The following LRRIQ1 variants were observed in gnomAD, a reference collection of about 807,000 sequenced individuals.
LRRIQ1 encodes the protein leucine-rich repeat- and IQ domain-containing protein 1.
In LRRIQ1, 210 loss-of-function variants were observed where a neutral mutation model predicts 211.9. That is an observed-to-expected ratio of 0.99 (90% CI 0.89 to 1.11). The LOEUF (loss-of-function observed/expected upper bound fraction) is 1.11, where lower values mean the gene tolerates loss of function less well. Ranked by LOEUF, LRRIQ1 falls within the 50% of genes most tolerant of loss-of-function variation. The pLI is 0.00. For synonymous variants in LRRIQ1, 699 were observed against 650.1 expected, an observed-to-expected ratio of 1.08 and a Z score of -1.14; for missense variants, 2,136 against 1,939.5, an observed-to-expected ratio of 1.10 and a Z score of -1.90.
At chr12:85,197,283 A>T (rs917689407) in intron 24 of LRRIQ1, among the ~76,000 whole-genome samples, 1 of 151,326 alleles carries the variant, frequency 6.6e-6, no homozygotes, top group Non-Finnish European at 1.5e-5. Flanking sequence ...TTCCTCAGGG[A>T]TCTAGAACTG....
At chr12:85,200,811 G>T (rs1893250661) in intron 24 of LRRIQ1, among the ~76,000 whole-genome samples, 1 of 151,728 alleles carries the variant, frequency 6.6e-6, no homozygotes, top group South Asian at 2.1e-4. Context: ...GATCATGATG[G>T]CTTAGCATTT....
intron 10 of LRRIQ1, among the ~76,000 whole-genome samples, chr12:85,071,183 T>G (rs1883043667): frequency 6.6e-6 from 1 of 151,964 alleles, no homozygotes; most frequent in Non-Finnish European, 1.5e-5. Context: ...TACTCTTATA[T>G]GTGGAATTTT....
chr12:85,082,681 A>G (rs1352404906), intron 11 of LRRIQ1, among the ~76,000 whole-genome samples: 1 of 152,174 alleles, frequency 6.6e-6, no homozygotes, highest in Non-Finnish European at 1.5e-5. Flanking sequence ...TTGAGTTTTA[A>G]AACTTCAGCT....
intron 24 of LRRIQ1, among the ~76,000 whole-genome samples, chr12:85,200,944 C>T (rs141888488): frequency 7.9e-5 from 12 of 151,954 alleles, no homozygotes; most frequent in Non-Finnish European, 1.5e-4. Context: ...CTCAGCCTCC[C>T]GAGTAGCTGG....
At chr12:85,141,424 C>A (rs201551500) in intron 19 of LRRIQ1, among the ~76,000 whole-genome samples, 1 of 151,090 alleles carries the variant, frequency 6.6e-6, no homozygotes, top group Admixed American at 6.6e-5. Flanking sequence ...CCTCATACTT[C>A]GGGGCTGTGT....
intron 24 of LRRIQ1, among the ~76,000 whole-genome samples, chr12:85,221,878 C>T (rs1376907422): frequency 1.3e-5 from 2 of 152,148 alleles, no homozygotes; most frequent in Non-Finnish European, 2.9e-5. Context: ...TTAGCAAGAT[C>T]ATTTGCAGTA....
At chr12:85,158,614 T>C (rs1890690030) in intron 23 of LRRIQ1, among the ~76,000 whole-genome samples, 1 of 152,022 alleles carries the variant, frequency 6.6e-6, no homozygotes, top group Non-Finnish European at 1.5e-5. Context: ...AGTATAGAGA[T>C]GCATGCATAA....
chr12:85,146,533 G>GT (rs1247930303), intron 19 of LRRIQ1, among the ~76,000 whole-genome samples: 1 of 151,588 alleles, frequency 6.6e-6, no homozygotes, highest in Non-Finnish European at 1.5e-5. Context: ...TTTTGTTTTT[G>GT]TTTTTGAAGG....
chr12:85,217,772 G>C (rs1038128309), intron 24 of LRRIQ1, among the ~76,000 whole-genome samples: 3 of 141,250 alleles, frequency 2.1e-5, no homozygotes, highest in Admixed American at 1.4e-4. Flanking sequence ...AAATGTGTGT[G>C]TCTCTCTCTA....
intron 24 of LRRIQ1, among the ~76,000 whole-genome samples, chr12:85,226,122 G>A (rs1251967225): frequency 6.6e-6 from 1 of 152,214 alleles, no homozygotes; most frequent in Non-Finnish European, 1.5e-5. Flanking sequence ...GCTGAGTTTT[G>A]ATGTAAAATT....
At chr12:85,115,589 A>C (rs1183821743) in intron 15 of LRRIQ1, among the ~76,000 whole-genome samples, 1 of 152,140 alleles carries the variant, frequency 6.6e-6, no homozygotes, top group African/African-American at 2.4e-5. Context: ...CTTGATCCAC[A>C]TTCCCTAGAA....
At chr12:85,221,463 GAAAAT>G (rs1044211407) in intron 24 of LRRIQ1, among the ~76,000 whole-genome samples, 4 of 152,078 alleles carry the variant, frequency 2.6e-5, no homozygotes, top group Admixed American at 1.3e-4. Context: ...ACATAGATAA[GAAAAT>G]AAAATATAAT....
intron 16 of LRRIQ1, among the ~76,000 whole-genome samples, chr12:85,122,487 T>C (rs1888058446): frequency 6.6e-6 from 1 of 152,120 alleles, no homozygotes; most frequent in South Asian, 2.1e-4. Flanking sequence ...TCTAAAACTG[T>C]ACTTTTTAAT....
At chr12:85,264,098 C>T (rs1332485592) in exon 2 of LRRIQ1, 2 of 151,992 alleles carry the variant, frequency 1.3e-5, no homozygotes, top group East Asian at 3.8e-4. Context: ...TAAAATATTT[C>T]ATCTAGAGAT....
chr12:85,149,766 T>C (rs1890115908), intron 19 of LRRIQ1, among the ~76,000 whole-genome samples: 1 of 151,754 alleles, frequency 6.6e-6, no homozygotes, highest in East Asian at 1.9e-4. Context: ...ACCAAAAGCA[T>C]CTTTAACATT....
intron 18 of LRRIQ1, among the ~76,000 whole-genome samples, chr12:85,136,858 T>G (rs868396238): frequency 3.3e-5 from 5 of 151,986 alleles, no homozygotes; most frequent in Middle Eastern, 3.4e-3. Flanking sequence ...AAATAACTTG[T>G]ATGGTTATTC....
At chr12:85,065,751 C>A (rs1450816442) in intron 9 of LRRIQ1, among the ~76,000 whole-genome samples, 2 of 151,840 alleles carry the variant, frequency 1.3e-5, no homozygotes, top group African/African-American at 4.8e-5. Flanking sequence ...CTAAACTTGG[C>A]TGGGCATTTT....
chr12:85,143,168 T>C (rs1301013475), intron 19 of LRRIQ1, among the ~76,000 whole-genome samples: 1 of 151,728 alleles, frequency 6.6e-6, no homozygotes, highest in Non-Finnish European at 1.5e-5. Flanking sequence ...TGTGAGGTGA[T>C]ATCTCATTGT....
intron 24 of LRRIQ1, among the ~76,000 whole-genome samples, chr12:85,227,073 T>C (rs1592997179): frequency 2.0e-5 from 1 of 49,422 alleles, no homozygotes; most frequent in South Asian, 4.4e-4. Flanking sequence ...CAAATGGTAT[T>C]TCAAATGGTA....
Sources: gnomAD v4.1 joint callset for allele counts (sites outside exome capture counted in the v4.1 genomes callset) on GRCh38, gnomAD v4.1.1 for gene constraint, MANE v1.5 for transcripts, NCBI Gene and HGNC (gene_info 2026-07-23, HGNC 2026-07-21) for gene names.